The following SVEP1 variants were observed in gnomAD, a reference collection of about 807,000 sequenced individuals.
SVEP1 encodes sushi, von Willebrand factor type A, EGF and pentraxin domain containing 1, also known as sushi, von Willebrand factor type A, EGF and pentraxin domain-containing protein 1.
SVEP1 carries 164 observed loss-of-function variants against 367.3 expected under a neutral mutation model. That is an observed-to-expected ratio of 0.45 (90% CI 0.39 to 0.51). The LOEUF (loss-of-function observed/expected upper bound fraction) is 0.51. Among genes scored for constraint, SVEP1 ranks in the 20% least tolerant of loss-of-function variants. The pLI is 0.00. For missense variants in SVEP1, 4,117 were observed against 4,425.3 expected, an observed-to-expected ratio of 0.93 and a Z score of 1.98; for synonymous variants, 1,666 against 1,611.6, an observed-to-expected ratio of 1.03 and a Z score of -0.81.
rs533784489 is a variant in SVEP1, at chr9:110,406,053, A to G, written c.9440+107T>C. On this transcript the variant is annotated intron_variant, in intron 38 of 47. Coordinates refer to ENST00000374469, the MANE Select transcript of SVEP1 (RefSeq NM_153366.4). The stretch of plus-strand genomic sequence containing the variant: ...TTAAAAGCACCAGTGTTTGGAGAGC[A>G]GTTCAGAGATGATGTTTTCTTCCCA... 5 of 1,367,854 alleles carry G rather than the reference A, an allele frequency of 3.7e-6. No homozygotes were observed. The African/African-American group carries it at 7.2e-5, about 20-fold the overall frequency. The allele number at this position is 1,367,854 out of a possible 1,614,324, so 84.7% of individuals were successfully genotyped here.
intron 22 of SVEP1, among the ~76,000 whole-genome samples, chr9:110,454,807 A>T (rs976495916): frequency 3.9e-5 from 6 of 152,144 alleles, no homozygotes; most frequent in African/African-American, 1.4e-4. Flanking sequence ...ATACTATTAG[A>T]GGGGAGAAGA....
intron 22 of SVEP1, among the ~76,000 whole-genome samples, 168 bp from the exon 23 acceptor site, chr9:110,451,570 C>T (rs1298235148): frequency 6.6e-6 from 1 of 152,124 alleles, no homozygotes; most frequent in Admixed American, 6.5e-5. Flanking sequence ...CTGTGAACTG[C>T]AAAATTTTTC....
intron 47 of SVEP1, among the ~76,000 whole-genome samples, chr9:110,367,816 C>T (rs1313427045): frequency 6.6e-6 from 1 of 152,154 alleles, no homozygotes; most frequent in Admixed American, 6.5e-5. Context: ...CACGGTGGCT[C>T]ATGCCTGTAA....
intron 3 of SVEP1, among the ~76,000 whole-genome samples, chr9:110,516,252 A>C (rs1023381160): frequency 6.6e-6 from 1 of 150,988 alleles, no homozygotes; most frequent in South Asian, 2.1e-4. Flanking sequence ...AAAACATTAC[A>C]ATATACTAAA....
At chr9:110,539,048 A>G (rs183210378) in intron 3 of SVEP1, among the ~76,000 whole-genome samples, 3 of 152,202 alleles carry the variant, frequency 2.0e-5, no homozygotes, top group South Asian at 2.1e-4. Context: ...AAATCTTGCA[A>G]TTGCCTAAGA....
At chr9:110,425,201 C>A (rs192865633) in intron 36 of SVEP1, among the ~76,000 whole-genome samples, 2 of 152,074 alleles carry the variant, frequency 1.3e-5, no homozygotes, top group Non-Finnish European at 2.9e-5. Context: ...AAAGACTACA[C>A]GTGGTAGTGA....
At chr9:110,403,187 A>G (rs1827889203) in intron 39 of SVEP1, among the ~76,000 whole-genome samples, 1 of 151,092 alleles carries the variant, frequency 6.6e-6, no homozygotes, top group Non-Finnish European at 1.5e-5. Context: ...GCAAGAGTCT[A>G]TCAGTGACAC....
At chr9:110,501,300 C>T (rs966193180) in intron 6 of SVEP1, among the ~76,000 whole-genome samples, 8 of 151,068 alleles carry the variant, frequency 5.3e-5, no homozygotes, top group African/African-American at 1.2e-4. Context: ...AGGTTCCACA[C>T]GTTTCTATTT....
chr9:110,579,388 AGGAGCGGGC>A lies in SVEP1; in HGVS notation c.147_155del (p.Pro50_Pro52del), dbSNP rs751717724. The A allele has an allele frequency of 1.5e-5, 23 of 1,568,206 alleles. No homozygotes were observed. The African/African-American group carries it at 3.1e-4, about 21-fold the overall frequency. On this transcript the variant is annotated inframe_deletion, in exon 1 of 48. Coordinates refer to ENST00000374469, the MANE Select transcript of SVEP1 (RefSeq NM_153366.4). The surrounding 1 kb of genome is among the most constrained non-coding windows in gnomAD (Gnocchi z 5.3). ...CTCTGCTCCCCGCCGCTTCGTCGCC[AGGAGCGGGC>A]GGCGCGGGGATACTCCCGGGGGCCC...
Position 110,549,755 on chromosome 9 carries a change from G to A in SVEP1, c.787+94C>T, listed in dbSNP as rs543594629. 5.4e-6 allele frequency: 8 copies of A among 1,489,836 alleles called. No homozygotes were observed. In the South Asian group the frequency reaches 6.5e-5, roughly 12 times the overall value. 92.3% of individuals were successfully genotyped at this position (1,489,836 alleles called of 1,614,324 possible). A position where few individuals can be genotyped will look rare whatever the true frequency, so the allele number is the denominator to read the frequency against. ...ATCATATTCAGCAAAGACCTTGTGA[G>A]AGTTTGATATTACCCTCCCATGGGT... On this transcript the variant is annotated intron_variant, in intron 2 of 47. Transcript: ENST00000374469.
At chr9:110,486,275 T>C (rs1164204278) in intron 9 of SVEP1, among the ~76,000 whole-genome samples, 1 of 152,228 alleles carries the variant, frequency 6.6e-6, no homozygotes, top group East Asian at 1.9e-4. Context: ...GCATATCTGA[T>C]TTTATTCAGA....
chr9:110,451,111 C>G (rs12237411), intron 23 of SVEP1, among the ~76,000 whole-genome samples, 178 bp downstream of exon 23: 22,729 of 152,020 alleles, frequency 0.15, 2,269 homozygotes, highest in East Asian at 0.43. Flanking sequence ...ACCTGCATGC[C>G]CTTTTACCCC....
In SVEP1 at chr9:110,447,048, A is replaced by G. The variant is rs1159210177; in HGVS notation, c.4113T>C (p.Cys1371=). 1 of 1,498,092 alleles carries G rather than the reference A, an allele frequency of 6.7e-7. No homozygotes were observed. The highest frequency in any genetic ancestry group is 2.3e-5 in the Admixed American group (1 of 42,822). The allele number at this position is 1,498,092 out of a possible 1,614,324, so 92.8% of individuals were successfully genotyped here. The change falls in exon 25 of 48, where the codon TGT becomes TGC. Residue 1371 remains cysteine (C), a synonymous_variant. Coordinates refer to ENST00000374469, the MANE Select transcript of SVEP1 (RefSeq NM_153366.4). ...KDGANSFRCL[C]AAGFTGSHCE... The stretch of plus-strand genomic sequence containing the variant: ...AGTGTGATCCTGTGAAGCCAGCTGC[A>G]CACAGGCATCTGAAAGAAAACAAAA...
rs1425153651 is a variant in SVEP1, at chr9:110,406,272, A to G, written c.9328T>C (p.Trp3110Arg). The change falls in exon 38 of 48, where the codon TGG (tryptophan) becomes CGG (arginine). Residue 3110 changes from tryptophan to arginine, a missense_variant. This residue lies in a region of SVEP1 where 1,765 missense variants were observed against 1,781.1 expected (regional missense o/e 0.99). Coordinates refer to ENST00000374469, the MANE Select transcript of SVEP1 (RefSeq NM_153366.4). The part of the protein sequence containing the change: ...SDLICTEKGV[W>R]SQPYPVCEPL... ...TCACAGACTGGATAAGGCTGGCTCC[A>G]TACCCCTTTCTCTGTACAAATCAGA... 4 of 1,614,070 alleles carry G rather than the reference A, an allele frequency of 2.5e-6. No homozygotes were observed. Among genetic ancestry groups the G allele is most frequent in the Non-Finnish European group, 3.4e-6 (4 of 1,179,896 alleles).
Position 110,450,179 on chromosome 9 carries a change from C to A in SVEP1, c.3983G>T (p.Gly1328Val), listed in dbSNP as rs200519868. ...TCCAGGTGGGCATTTGCACAAGAAT[C>A]CCCCAACCTGGTCTTCACAGACTGC... ...NNAVCEDQVG[G>V]FLCKCPPGFL... Residue 1328 changes from glycine (G) to valine (V), a missense_variant, in exon 24 of 48, where the codon GGA (glycine) becomes GTA (valine). By Grantham distance (109) the Gly-to-Val change is moderately radical (BLOSUM62 -3). Around this residue, in one of 4 missense-constraint regions of SVEP1, gnomAD observed 2,174 missense variants for 2,494.3 expected, o/e 0.87. Transcript: ENST00000374469. The A allele has an allele frequency of 3.7e-6, 6 of 1,613,754 alleles. No individual in the cohort carries two copies. Among genetic ancestry groups the A allele is most frequent in the African/African-American group, 1.3e-5 (1 of 74,894 alleles).
chr9:110,536,088 CTG>C (rs1358477527), intron 3 of SVEP1, among the ~76,000 whole-genome samples: 3 of 151,970 alleles, frequency 2.0e-5, no homozygotes, highest in African/African-American at 7.2e-5. Context: ...GGCTGTGGAT[CTG>C]TCACAGATGG....
At chr9:110,455,765 T>C in intron 21 of SVEP1, 62 bp from the exon 22 acceptor site, 1 of 1,328,488 alleles carries the variant, frequency 7.5e-7, no homozygotes, top group Non-Finnish European at 1.0e-6. Flanking sequence ...AATAGAACTA[T>C]GATCATTTAA....
At chr9:110,569,255 G>C (rs933782275) in intron 1 of SVEP1, among the ~76,000 whole-genome samples, 1 of 152,008 alleles carries the variant, frequency 6.6e-6, no homozygotes, top group African/African-American at 2.4e-5. Context: ...TCGGGAGTTT[G>C]AGACCACCCT....
intron 1 of SVEP1, among the ~76,000 whole-genome samples, chr9:110,566,305 G>A (rs1830492489): frequency 6.6e-6 from 1 of 150,980 alleles, no homozygotes; most frequent in African/African-American, 2.4e-5. Context: ...CTGGGCAACA[G>A]AGCAAGATCC....
Sources: gnomAD v4.1 joint callset for allele counts (sites outside exome capture counted in the v4.1 genomes callset) on GRCh38, gnomAD v4.1.1 for gene constraint, gnomAD v4.1.1 regional missense constraint, Gnocchi (gnomAD v3.1) non-coding constraint, MANE v1.5 for transcripts, NCBI Gene and HGNC (gene_info 2026-07-23, HGNC 2026-07-21) for gene names.